GALNT13: variants seen among roughly 807,000 people sequenced by gnomAD.
GALNT13 encodes UDP-GalNAc:polypeptide N-acetylgalactosaminyltransferase 13.
GALNT13 carries 28 observed loss-of-function variants against 64.2 expected under a neutral mutation model. That is an observed-to-expected ratio of 0.44 (90% CI 0.32 to 0.60). GALNT13 has a LOEUF of 0.60. GALNT13 is among the 20% of genes least tolerant of loss of function. GALNT13 has a pLI of 0.05. For missense variants in GALNT13, 577 were observed against 669.8 expected, an observed-to-expected ratio of 0.86 and a Z score of 1.53; for synonymous variants, 214 against 224.6, an observed-to-expected ratio of 0.95 and a Z score of 0.42.
At chr2:153,975,932 G>C (rs764034701) in intron 3 of GALNT13, among the ~76,000 whole-genome samples, 1 of 152,020 alleles carries the variant, frequency 6.6e-6, no homozygotes, top group African/African-American at 2.4e-5. Flanking sequence ...CACATTGCAC[G>C]TCCTAAATAT....
chr2:154,315,016 A>G (rs1353283287), intron 9 of GALNT13, among the ~76,000 whole-genome samples: 1 of 152,166 alleles, frequency 6.6e-6, no homozygotes, highest in Non-Finnish European at 1.5e-5. Flanking sequence ...GTGATGCAAG[A>G]ATGGCTTAAA....
the GALNT13 span, among the ~76,000 whole-genome samples, chr2:153,303,614 C>T: frequency 6.6e-6 from 1 of 152,074 alleles, no homozygotes; most frequent in African/African-American, 2.4e-5. Context: ...AGTAGGCATC[C>T]TTGTCTTGGT....
At chr2:154,058,954 A>G (rs72621668) in intron 3 of GALNT13, among the ~76,000 whole-genome samples, 19,363 of 152,150 alleles carry the variant, frequency 0.13, 2,713 homozygotes, top group East Asian at 0.62. Context: ...TTAAAAGGCT[A>G]TTATAGTAAT....
chr2:154,448,976 G>T (rs918757447), intron 12 of GALNT13, among the ~76,000 whole-genome samples: 2 of 151,818 alleles, frequency 1.3e-5, no homozygotes, highest in Non-Finnish European at 2.9e-5. Flanking sequence ...AAACAATTTT[G>T]TTGATTTTTA....
At chr2:153,222,913 G>T in the GALNT13 span, among the ~76,000 whole-genome samples, 5 of 152,212 alleles carry the variant, frequency 3.3e-5, no homozygotes, top group African/African-American at 1.2e-4. Context: ...GTCCAGAGAG[G>T]CGGCTGGGAA....
At chr2:154,162,026 C>T (rs1684759860) in intron 4 of GALNT13, among the ~76,000 whole-genome samples, 1 of 152,128 alleles carries the variant, frequency 6.6e-6, no homozygotes, top group Non-Finnish European at 1.5e-5. Flanking sequence ...TGTGATCCGC[C>T]CGTCTCGGCC....
chr2:154,187,001 T>G (rs1235823483), intron 4 of GALNT13, among the ~76,000 whole-genome samples: 1 of 151,952 alleles, frequency 6.6e-6, no homozygotes, highest in Non-Finnish European at 1.5e-5. Context: ...AAACCCCCAG[T>G]TTATTATGAA....
chr2:153,126,299 T>C, the GALNT13 span, among the ~76,000 whole-genome samples: 1 of 6,250 alleles, frequency 1.6e-4, no homozygotes, highest in Non-Finnish European at 2.3e-4. Context: ...TGATTTTGTA[T>C]ATATATATAT....
the GALNT13 span, among the ~76,000 whole-genome samples, chr2:153,221,010 G>A: frequency 6.6e-6 from 1 of 152,048 alleles, no homozygotes; most frequent in African/African-American, 2.4e-5. Flanking sequence ...AGGAAGGAGA[G>A]GAGCAGGAAA....
At chr2:153,538,454 A>ATATG in the GALNT13 span, among the ~76,000 whole-genome samples, 1 of 126,148 alleles carries the variant, frequency 7.9e-6, no homozygotes, top group African/African-American at 3.1e-5. Context: ...GGTTAGTTAC[A>ATATG]TATGTATACA....
intron 3 of GALNT13, among the ~76,000 whole-genome samples, chr2:154,023,523 C>A (rs1697696223): frequency 6.6e-6 from 1 of 152,012 alleles, no homozygotes; most frequent in Non-Finnish European, 1.5e-5. Flanking sequence ...CAACCCCTGC[C>A]TTTTTTTGTT....
rs1196957420 is a variant in GALNT13 at position 154,051,639 on chromosome 2, A to C, written c.143-88698A>C. 6.6e-5 allele frequency among the ~76,000 whole-genome samples: 10 copies of C among 152,214 alleles called. No individual in the cohort carries two copies. The East Asian group carries it at 1.9e-3, about 29-fold the overall frequency. ...GCTATTTAACAATTAATTATTAATC[A>C]GGGTTAGAATCAAGTTAAATAATCT... On this transcript the variant is annotated intron_variant, in intron 3 of 12. Transcript: ENST00000392825.
the GALNT13 span, among the ~76,000 whole-genome samples, chr2:153,631,738 G>A: frequency 5.9e-5 from 9 of 151,962 alleles, no homozygotes; most frequent in South Asian, 6.3e-4. Context: ...TTGCAAAAAT[G>A]TTCTCCCATT....
At chr2:153,901,422 A>G (rs1219570871) in intron 2 of GALNT13, among the ~76,000 whole-genome samples, 3 of 152,138 alleles carry the variant, frequency 2.0e-5, no homozygotes, top group African/African-American at 7.2e-5. Flanking sequence ...CGTCATGACC[A>G]TTTTATCAAT....
the GALNT13 span, among the ~76,000 whole-genome samples, chr2:153,236,110 A>T: frequency 6.6e-6 from 1 of 152,144 alleles, no homozygotes; most frequent in Non-Finnish European, 1.5e-5. Flanking sequence ...CTAATCTAGA[A>T]CAAGGCCTTA....
intron 3 of GALNT13, among the ~76,000 whole-genome samples, chr2:154,053,593 A>T (rs1326531745): frequency 1.3e-5 from 2 of 152,170 alleles, no homozygotes; most frequent in African/African-American, 4.8e-5. Flanking sequence ...CAAAAGACTA[A>T]CTAAACAATA....
chr2:153,877,829 A>G (rs1287495468), intron 1 of GALNT13, among the ~76,000 whole-genome samples: 1 of 152,200 alleles, frequency 6.6e-6, no homozygotes, highest in Non-Finnish European at 1.5e-5. Flanking sequence ...AAAGTGGCTA[A>G]AATTCGTTGG....
chr2:153,663,867 G>A, the GALNT13 span, among the ~76,000 whole-genome samples: 2 of 152,150 alleles, frequency 1.3e-5, no homozygotes, highest in Non-Finnish European at 2.9e-5. Flanking sequence ...TAAATTAGGT[G>A]TGATGTTTTA....
At chr2:153,820,811 C>G in the GALNT13 span, among the ~76,000 whole-genome samples, 1 of 152,058 alleles carries the variant, frequency 6.6e-6, no homozygotes, top group East Asian at 1.9e-4. Flanking sequence ...ACAATCAAGT[C>G]TACGAAACAA....
Sources: gnomAD v4.1 joint callset for allele counts (sites outside exome capture counted in the v4.1 genomes callset) on GRCh38, gnomAD v4.1.1 for gene constraint, MANE v1.5 for transcripts, NCBI Gene and HGNC (gene_info 2026-07-23, HGNC 2026-07-21) for gene names.